The following TENM3 variants were observed in gnomAD, a reference collection of about 807,000 sequenced individuals.
TENM3 encodes the protein teneurin transmembrane protein 3, also known as teneurin-3.
TENM3 carries 63 observed loss-of-function variants against 255.1 expected under a neutral mutation model. The ratio of observed to expected loss-of-function variants is 0.25; its 90% CI spans 0.20 to 0.30. The LOEUF (loss-of-function observed/expected upper bound fraction) is 0.30, where lower values mean the gene tolerates loss of function less well. Among genes scored for constraint, TENM3 ranks in the 10% least tolerant of loss-of-function variants. The probability of loss-of-function intolerance (pLI) is 1.00; values close to 1 mark genes in which losing one functional copy is unlikely to be tolerated. For synonymous variants in TENM3, 1,306 were observed against 1,322.3 expected, an observed-to-expected ratio of 0.99 and a Z score of 0.27; for missense variants, 2,929 against 3,461.1, an observed-to-expected ratio of 0.85 and a Z score of 3.86.
At chr4:181,869,589 C>T in the TENM3 span, among the ~76,000 whole-genome samples, 5 of 152,004 alleles carry the variant, frequency 3.3e-5, no homozygotes, top group African/African-American at 9.7e-5. Flanking sequence ...ATCAAAACAT[C>T]GCATGTAACC....
At chr4:181,501,059 A>G in the TENM3 span, among the ~76,000 whole-genome samples, 1 of 152,120 alleles carries the variant, frequency 6.6e-6, no homozygotes, top group Non-Finnish European at 1.5e-5. Context: ...CTTCCCGCCC[A>G]CCTCATAGAG....
intron 2 of TENM3, among the ~76,000 whole-genome samples, chr4:182,325,207 C>T (rs1011060779): frequency 3.9e-5 from 6 of 152,032 alleles, no homozygotes; most frequent in African/African-American, 1.2e-4. Context: ...TTCCAATCAC[C>T]GTACAGACAG....
chr4:182,735,258 A>G (rs1026072561), intron 16 of TENM3, among the ~76,000 whole-genome samples: 1 of 152,334 alleles, frequency 6.6e-6, no homozygotes, highest in African/African-American at 2.4e-5. Context: ...AAATTCGTGT[A>G]TCTACATTAG....
At chr4:182,316,651 C>T (rs1375386256) in intron 1 of TENM3, among the ~76,000 whole-genome samples, 1 of 152,166 alleles carries the variant, frequency 6.6e-6, no homozygotes, top group East Asian at 1.9e-4. Context: ...TTGAGATACC[C>T]TGATACAGTC....
the TENM3 span, among the ~76,000 whole-genome samples, chr4:182,066,805 G>A: frequency 3.9e-5 from 6 of 152,022 alleles, no homozygotes; most frequent in Non-Finnish European, 7.4e-5. Context: ...CAGCTACTCG[G>A]GAGGCTGAGG....
At chr4:181,910,876 T>G in the TENM3 span, among the ~76,000 whole-genome samples, 1 of 152,170 alleles carries the variant, frequency 6.6e-6, no homozygotes, top group Non-Finnish European at 1.5e-5. Context: ...TCCCATGATA[T>G]GGCTATCTCA....
intron 2 of TENM3, among the ~76,000 whole-genome samples, chr4:182,344,535 C>T (rs1213303652): frequency 6.6e-6 from 1 of 152,074 alleles, no homozygotes; most frequent in Non-Finnish European, 1.5e-5. Context: ...CTTCCTTCAC[C>T]TCATAGATTT....
At chr4:182,006,691 A>G in the TENM3 span, among the ~76,000 whole-genome samples, 1 of 151,422 alleles carries the variant, frequency 6.6e-6, no homozygotes, top group South Asian at 2.1e-4. Flanking sequence ...TCCTGGATGC[A>G]TTGATTTTTT....
intron 19 of TENM3, among the ~76,000 whole-genome samples, chr4:182,750,246 C>T (rs1382779476): frequency 6.6e-6 from 1 of 152,202 alleles, no homozygotes; most frequent in Non-Finnish European, 1.5e-5. Flanking sequence ...ATTTCACACA[C>T]ATTTACACAC....
the TENM3 span, among the ~76,000 whole-genome samples, chr4:181,738,876 A>G: frequency 2.4e-4 from 37 of 152,236 alleles, no homozygotes; most frequent in Non-Finnish European, 5.3e-4. Context: ...GCGAACCCTA[A>G]GGAGTATGTT....
At chr4:182,469,852 T>G (rs1463650132) in intron 3 of TENM3, among the ~76,000 whole-genome samples, 2 of 152,254 alleles carry the variant, frequency 1.3e-5, no homozygotes, top group Non-Finnish European at 2.9e-5. Context: ...GTGTGATATC[T>G]ATGTAAAATC....
At chr4:182,634,679 ACT>A in intron 5 of TENM3, among the ~76,000 whole-genome samples, 1 of 144,410 alleles carries the variant, frequency 6.9e-6, no homozygotes, top group African/African-American at 2.6e-5. Context: ...GCCCTGATGT[ACT>A]CATTCTTCTT....
the TENM3 span, among the ~76,000 whole-genome samples, chr4:182,047,426 G>A: frequency 6.6e-6 from 1 of 151,874 alleles, no homozygotes; most frequent in Non-Finnish European, 1.5e-5. Context: ...GCGGGGCGTG[G>A]TGGTGCACAC....
At position 182,543,591 on chromosome 4, in the gene TENM3, T is replaced by A. The variant is rs1741121429; in HGVS notation, c.512-57333T>A. On this transcript the variant is annotated intron_variant, in intron 3 of 27. Transcript: ENST00000511685. ...ATCTAGGCATCTGTTCCCTTATCTT[T>A]AAAAACAAAAGTTCTTTAAAGTCTC... 2.0e-5 allele frequency among the ~76,000 whole-genome samples: 3 copies of A among 152,170 alleles called. 1 individual carries two copies. The highest frequency in any genetic ancestry group is 2.0e-4 in the Admixed American group (3 of 15,282).
chr4:182,651,462 A>T (rs531524284), intron 5 of TENM3, among the ~76,000 whole-genome samples: 4 of 152,240 alleles, frequency 2.6e-5, no homozygotes, highest in Admixed American at 2.6e-4. Flanking sequence ...AGGCCGAGGC[A>T]TGCGGATTGC....
chr4:182,182,990 G>A (rs1303490111), intron 1 of TENM3, among the ~76,000 whole-genome samples: 1 of 152,002 alleles, frequency 6.6e-6, no homozygotes, highest in African/African-American at 2.4e-5. Context: ...AACTTTTATG[G>A]TATACAAAAA....
At chr4:181,772,116 A>C in the TENM3 span, among the ~76,000 whole-genome samples, 1 of 152,172 alleles carries the variant, frequency 6.6e-6, no homozygotes, top group Admixed American at 6.5e-5. Context: ...GTGGTGGCTC[A>C]CGCCTGTAAT....
At chr4:181,946,296 A>G in the TENM3 span, among the ~76,000 whole-genome samples, 11 of 152,208 alleles carry the variant, frequency 7.2e-5, no homozygotes, top group African/African-American at 1.9e-4. Context: ...TCAACTGTGT[A>G]TGACAGTACC....
chr4:182,554,434 C>T (rs1742381027), intron 3 of TENM3, among the ~76,000 whole-genome samples: 1 of 152,078 alleles, frequency 6.6e-6, no homozygotes, highest in African/African-American at 2.4e-5. Flanking sequence ...TCATATTTTA[C>T]CAAGAATTAC....
Sources: gnomAD v4.1 joint callset for allele counts (sites outside exome capture counted in the v4.1 genomes callset) on GRCh38, gnomAD v4.1.1 for gene constraint, MANE v1.5 for transcripts, NCBI Gene and HGNC (gene_info 2026-07-23, HGNC 2026-07-21) for gene names.